The following ATP8B1 variants were observed in gnomAD, a reference collection of about 807,000 sequenced individuals.
ATP8B1 encodes phospholipid-transporting ATPase IC.
Under a neutral mutation model 149.9 loss-of-function variants are expected in ATP8B1, and 80 were observed. That is an observed-to-expected ratio of 0.53 (90% CI 0.45 to 0.64). The LOEUF is 0.64. Ranked by LOEUF, ATP8B1 falls within the 30% of genes least tolerant of loss-of-function variation. The pLI is 0.00. For missense variants in ATP8B1, 1,247 were observed against 1,552.6 expected (o/e 0.80, Z 3.31); for synonymous variants, 536 against 562.8 (o/e 0.95, Z 0.67).
chr18:57,743,399 G>A (rs1384759972), intron 1 of ATP8B1, among the ~76,000 whole-genome samples: 1 of 152,114 alleles, frequency 6.6e-6, no homozygotes. Flanking sequence ...CTAAGCAAAG[G>A]AAGAATTTGA....
chr18:57,699,908 G>T (rs1382832048), intron 6 of ATP8B1, among the ~76,000 whole-genome samples: 2 of 152,182 alleles, frequency 1.3e-5, no homozygotes, highest in Non-Finnish European at 2.9e-5. Flanking sequence ...AGGAGCTCTG[G>T]GTTGCCTTGA....
At chr18:57,655,728 C>T (rs1222796434) in intron 22 of ATP8B1, among the ~76,000 whole-genome samples, 1 of 152,156 alleles carries the variant, frequency 6.6e-6, no homozygotes, top group Non-Finnish European at 1.5e-5. Context: ...CAGGGTGAGC[C>T]CCAGGCACCC....
At chr18:57,759,599 G>A (rs1040789456) in intron 1 of ATP8B1, among the ~76,000 whole-genome samples, 16 of 151,902 alleles carry the variant, frequency 1.1e-4, no homozygotes, top group Non-Finnish European at 1.0e-4. Flanking sequence ...CACGAGGTCA[G>A]GAGATGGAGA....
At chr18:57,659,969 G>A (rs922320083) in intron 22 of ATP8B1, among the ~76,000 whole-genome samples, 3 of 152,188 alleles carry the variant, frequency 2.0e-5, no homozygotes, top group African/African-American at 4.8e-5. Flanking sequence ...ATACGACAGA[G>A]CTGGAGGTGA....
rs372848800 is a variant in ATP8B1 at position 57,701,227 on chromosome 18, C to G, written c.480G>C (p.Leu160=). ...GAGAAATCCTCACCACATCGTCCAC[C>G]AGGTCTTTGATTGCAGTGACGCCCA... ...VVLGVTAIKD[L]VDDVARHKMD... Residue 160 remains leucine, a synonymous_variant, in exon 5 of 28, where the codon CTG becomes CTC. Transcript: ENST00000648908. 2.5e-5 allele frequency: 40 copies of G among 1,614,056 alleles called. No homozygotes were observed. Among genetic ancestry groups the G allele is most frequent in the Non-Finnish European group, 3.2e-5 (38 of 1,180,020 alleles).
In ATP8B1 at chr18:57,671,573, G is replaced by A; in HGVS notation, c.1827C>T (p.Thr609=). 1 of 1,606,430 alleles carries A rather than the reference G, an allele frequency of 6.2e-7. No individual in the cohort carries two copies. Among genetic ancestry groups the A allele is most frequent in the Non-Finnish European group, 8.5e-7 (1 of 1,173,052 alleles). Residue 609 remains threonine (T), a synonymous_variant, in exon 17 of 28, where the codon ACC becomes ACT. Transcript: ENST00000648908. ...AGTAAAGCTTGATATTGCCTTCTGG[G>A]GTTCTTACTGGTAGTAAAAGAAGGA... ...DRKRMSIIVR[T]PEGNIKLYCK... is the part of the protein sequence containing the mutation.
rs1024917719 is a variant in ATP8B1 at position 57,784,923 on chromosome 18, G to A, written c.-26+18075C>T. Reference sequence around the variant, plus strand: ...GACAACTTAAAATGTTCCCCAGGGAGCAAAAGTCACATCTGGTTGACTAAG... The same window carrying A: ...GACAACTTAAAATGTTCCCCAGGGAACAAAAGTCACATCTGGTTGACTAAG... On this transcript the variant is annotated intron_variant, in intron 1 of 27. Coordinates refer to ENST00000648908, the MANE Select transcript of ATP8B1 (RefSeq NM_001374385.1). This position sits in a 1 kb window ranked among gnomAD's most constrained non-coding sequence, Gnocchi z 4.4. Among the ~76,000 whole-genome samples the A allele has an allele frequency of 4.6e-5, 7 of 152,206 alleles. No homozygotes were observed. Among genetic ancestry groups the A allele is most frequent in the Non-Finnish European group, 8.8e-5 (6 of 68,032 alleles).
At chr18:57,717,452 G>A (rs1302225195) in intron 2 of ATP8B1, among the ~76,000 whole-genome samples, 1 of 147,522 alleles carries the variant, frequency 6.8e-6, no homozygotes, top group Non-Finnish European at 1.5e-5. Context: ...GGAGGCTGAG[G>A]CAGGAGAATG....
intron 23 of ATP8B1, among the ~76,000 whole-genome samples, chr18:57,654,679 ACAAG>A (rs1909867577): frequency 6.8e-6 from 1 of 146,336 alleles, no homozygotes; most frequent in Non-Finnish European, 1.5e-5. Flanking sequence ...ATAAAAACAT[ACAAG>A]CAAATCCCCT....
At position 57,734,672 on chromosome 18, in the gene ATP8B1, G is replaced by GC. The variant is rs775600889; in HGVS notation, c.-25-2841dup. ...CTGTACTGTGGCACAGTTCTAAAGA[G>GC]CCCTATAGTCATGGATGCAAAGTTC... On this transcript the variant is annotated intron_variant, in intron 1 of 27. Coordinates refer to ENST00000648908, the MANE Select transcript of ATP8B1 (RefSeq NM_001374385.1). 2.3e-4 allele frequency among the ~76,000 whole-genome samples: 35 copies of GC among 152,196 alleles called. 1 individual carries two copies. The highest frequency in any genetic ancestry group is 8.5e-4 in the Admixed American group (13 of 15,284).
intron 1 of ATP8B1, among the ~76,000 whole-genome samples, chr18:57,749,458 C>T (rs1180747387): frequency 6.6e-6 from 1 of 152,168 alleles, no homozygotes; most frequent in Non-Finnish European, 1.5e-5. Context: ...CCAATGAAAA[C>T]AATCCTCTTT....
intron 1 of ATP8B1, among the ~76,000 whole-genome samples, chr18:57,794,303 T>C (rs75724711): frequency 0.025 from 3,860 of 152,114 alleles, 167 homozygotes; most frequent in African/African-American, 0.089. Context: ...AACAGACTGA[T>C]GTCTAATTAT....
intron 20 of ATP8B1, 148 bp from the exon 21 acceptor site, chr18:57,662,763 A>T: frequency 1.1e-6 from 1 of 936,296 alleles, no homozygotes; most frequent in Non-Finnish European, 1.6e-6. Context: ...TTTTCATTAT[A>T]ATTTTTTTGA....
intron 2 of ATP8B1, among the ~76,000 whole-genome samples, chr18:57,719,435 T>C (rs2079616129): frequency 6.6e-6 from 1 of 152,166 alleles, no homozygotes; most frequent in Non-Finnish European, 1.5e-5. Flanking sequence ...AGGCGAGGCA[T>C]TGCCTCACCT....
chr18:57,679,020 G>C (rs1911781497), intron 15 of ATP8B1, among the ~76,000 whole-genome samples: 1 of 142,264 alleles, frequency 7.0e-6, no homozygotes, highest in Non-Finnish European at 1.5e-5. Context: ...CAACGCAGCA[G>C]GCTGACCTTT....
intron 12 of ATP8B1, among the ~76,000 whole-genome samples, chr18:57,690,740 T>G (rs1160646667): frequency 6.6e-6 from 1 of 152,040 alleles, no homozygotes; most frequent in Non-Finnish European, 1.5e-5. Flanking sequence ...TAATTATAGG[T>G]GTGTATGTGA....
chr18:57,774,245 T>A (rs561346851), intron 1 of ATP8B1, among the ~76,000 whole-genome samples: 16 of 152,324 alleles, frequency 1.1e-4, no homozygotes, highest in African/African-American at 3.8e-4. Context: ...AACCCCAGCC[T>A]TGCCAGTCCC....
intron 16 of ATP8B1, among the ~76,000 whole-genome samples, 197 bp downstream of exon 16, chr18:57,674,637 C>CG (rs1187495670): frequency 6.6e-6 from 1 of 152,088 alleles, no homozygotes; most frequent in Non-Finnish European, 1.5e-5. Context: ...CCACCCGCCT[C>CG]GGCCTCCCAA....
At chr18:57,712,706 C>T (rs185742403) in intron 2 of ATP8B1, among the ~76,000 whole-genome samples, 116 of 151,904 alleles carry the variant, frequency 7.6e-4, no homozygotes, top group African/African-American at 2.7e-3. Flanking sequence ...GGCCCCTCCC[C>T]GCCAACCTCA....
Sources: allele counts gnomAD v4.1 joint callset (sites outside exome capture counted in the v4.1 genomes callset), GRCh38; gene constraint gnomAD v4.1.1; non-coding constraint Gnocchi (gnomAD v3.1); transcripts MANE v1.5; gene names NCBI Gene and HGNC (gene_info 2026-07-23, HGNC 2026-07-21).